Variants in ANKS1B observed in about 807,000 individuals in gnomAD.
ANKS1B encodes ankyrin repeat and sterile alpha motif domain containing 1B.
A neutral mutation model predicts 148.3 loss-of-function variants in ANKS1B; 36 were observed. The ratio of observed to expected loss-of-function variants is 0.24; its 90% CI spans 0.19 to 0.32. The LOEUF is 0.32. Ranked by LOEUF, ANKS1B falls within the 10% of genes least tolerant of loss-of-function variation. ANKS1B has a pLI of 1.00. For synonymous variants in ANKS1B, 542 were observed against 560.8 expected (o/e 0.97, Z 0.47); for missense variants, 1,157 against 1,542.6 (o/e 0.75, Z 4.19).
chr12:99,045,073 A>G (rs894764966), intron 17 of ANKS1B, among the ~76,000 whole-genome samples: 8 of 152,322 alleles, frequency 5.3e-5, no homozygotes, highest in Admixed American at 2.0e-4. Context: ...TAGTCTTTTA[A>G]GGGTCAAACG....
intron 17 of ANKS1B, among the ~76,000 whole-genome samples, chr12:98,917,558 C>T (rs17028891): frequency 0.081 from 12,282 of 152,242 alleles, 666 homozygotes; most frequent in Admixed American, 0.17. Context: ...CCAATTAATA[C>T]GAAGCGTAAG....
chr12:99,978,143 A>G (rs1270275259), intron 1 of ANKS1B, among the ~76,000 whole-genome samples: 1 of 152,216 alleles, frequency 6.6e-6, no homozygotes, highest in Non-Finnish European at 1.5e-5. Flanking sequence ...GTCACCTGAA[A>G]GGTTAAGTTG....
At position 99,059,788 on chromosome 12, in the gene ANKS1B, C is replaced by CATAT. The variant is rs759625732; in HGVS notation, c.2626-6483_2626-6480dup. On this transcript the variant is annotated intron_variant, in intron 16 of 26. Transcript: ENST00000683438. ...TAAGCCCAAAGACAAAACTAAAATT[C>CATAT]ATATATATATATATATATGATAGGA... 4.0e-4 allele frequency among the ~76,000 whole-genome samples: 36 copies of CATAT among 90,318 alleles called. 2 individuals are homozygous for CATAT. The highest frequency in any genetic ancestry group is 1.8e-3 in the South Asian group (5 of 2,812). 59.3% of individuals were successfully genotyped at this position (90,318 alleles called of 152,430 possible). A position where few individuals can be genotyped will look rare whatever the true frequency, so the allele number is the denominator to read the frequency against.
At chr12:98,834,440 A>G (rs1213584701) in intron 17 of ANKS1B, among the ~76,000 whole-genome samples, 2 of 152,246 alleles carry the variant, frequency 1.3e-5, no homozygotes, top group Non-Finnish European at 2.9e-5. Context: ...AGGAATAACC[A>G]GGGACAAAAG....
chr12:98,752,549 G>T (rs577291988), intron 25 of ANKS1B, among the ~76,000 whole-genome samples: 2 of 152,140 alleles, frequency 1.3e-5, no homozygotes, highest in African/African-American at 2.4e-5. Context: ...GAGCCACCAC[G>T]CCTGGTCCAC....
rs144600316 is a variant in ANKS1B at position 98,789,124 on chromosome 12, C to T, written c.3343-6987G>A. Among the ~76,000 whole-genome samples the T allele has an allele frequency of 3.3e-5, 5 of 152,314 alleles. No individual in the cohort carries two copies. In the East Asian group the frequency reaches 9.6e-4, roughly 29 times the overall value. ...CTGAGAGGCCGAGACGGGCAGATCACTGAAGATCAGGAGTTCAAGATTAGC... is the reference window on the plus strand; with the variant it reads ...CTGAGAGGCCGAGACGGGCAGATCATTGAAGATCAGGAGTTCAAGATTAGC... On this transcript the variant is annotated intron_variant, in intron 22 of 26. Coordinates refer to ENST00000683438, the MANE Select transcript of ANKS1B (RefSeq NM_001352186.2).
At chr12:99,887,059 T>C (rs903904313) in intron 1 of ANKS1B, among the ~76,000 whole-genome samples, 6 of 152,206 alleles carry the variant, frequency 3.9e-5, no homozygotes, top group Non-Finnish European at 8.8e-5. Flanking sequence ...AGAAATGATC[T>C]AATGTAGCAT....
intron 12 of ANKS1B, among the ~76,000 whole-genome samples, chr12:99,334,885 TCTTTC>T (rs2088457553): frequency 6.6e-6 from 1 of 152,072 alleles, no homozygotes; most frequent in African/African-American, 2.4e-5. Context: ...TTTATGACAG[TCTTTC>T]CTTCTCTTAC....
intron 8 of ANKS1B, among the ~76,000 whole-genome samples, chr12:99,739,517 A>G (rs2059906471): frequency 6.6e-6 from 1 of 152,126 alleles, no homozygotes. Flanking sequence ...TTTTATAATC[A>G]TATATGAATA....
chr12:99,805,635 AAAT>A (rs1263235171), intron 4 of ANKS1B, among the ~76,000 whole-genome samples: 1 of 152,150 alleles, frequency 6.6e-6, no homozygotes, highest in South Asian at 2.1e-4. Flanking sequence ...CTCTGTCTGA[AAAT>A]AATAATAATA....
At chr12:99,870,913 C>G (rs775562520) in intron 1 of ANKS1B, among the ~76,000 whole-genome samples, 6 of 152,002 alleles carry the variant, frequency 3.9e-5, no homozygotes, top group Non-Finnish European at 7.4e-5. Context: ...TGTGTAGAAG[C>G]TCTTTAGTTT....
chr12:99,677,665 T>A (rs1364176293), intron 8 of ANKS1B, among the ~76,000 whole-genome samples: 1 of 152,196 alleles, frequency 6.6e-6, no homozygotes, highest in African/African-American at 2.4e-5. Context: ...CTCCATTTTT[T>A]AAGAAGGATA....
chr12:99,255,578 G>A (rs150781527), intron 12 of ANKS1B, among the ~76,000 whole-genome samples: 65 of 151,804 alleles, frequency 4.3e-4, no homozygotes, highest in African/African-American at 1.3e-3. Flanking sequence ...AGTCTTCAGC[G>A]TTTCTTCTTT....
At chr12:99,573,847 G>A (rs921478898) in intron 9 of ANKS1B, among the ~76,000 whole-genome samples, 9 of 151,884 alleles carry the variant, frequency 5.9e-5, no homozygotes, top group South Asian at 2.1e-4. Context: ...AAGTCAATAC[G>A]TCCACCTATT....
rs1034152246 is a variant in ANKS1B at position 99,719,963 on chromosome 12, T to C, written c.1128+52959A>G. On this transcript the variant is annotated intron_variant, in intron 8 of 26. Transcript: ENST00000683438. Reference sequence around the variant, plus strand: ...ACTCCCCCGCTGAAACTTCCACTTATCAATCTCTTCCCACACAAGGCAAAT... The same window carrying C: ...ACTCCCCCGCTGAAACTTCCACTTACCAATCTCTTCCCACACAAGGCAAAT... Among the ~76,000 whole-genome samples, 8 of 152,178 alleles carry C rather than the reference T, an allele frequency of 5.3e-5. No individual in the cohort carries two copies. In the South Asian group the frequency reaches 1.0e-3, roughly 20 times the overall value.
intron 15 of ANKS1B, among the ~76,000 whole-genome samples, chr12:99,090,234 T>A (rs1001337608): frequency 6.6e-5 from 10 of 152,220 alleles, no homozygotes; most frequent in African/African-American, 2.4e-4. Context: ...CTGATGGCTC[T>A]GTCTCTCCAA....
intron 1 of ANKS1B, among the ~76,000 whole-genome samples, chr12:99,920,528 A>T (rs989882339): frequency 6.6e-6 from 1 of 152,070 alleles, no homozygotes; most frequent in Non-Finnish European, 1.5e-5. Context: ...GATTTATTGG[A>T]GAACTGACTC....
chr12:99,790,783 A>C (rs974700705), intron 4 of ANKS1B, among the ~76,000 whole-genome samples: 1 of 152,118 alleles, frequency 6.6e-6, no homozygotes. Context: ...AAAATTAAAA[A>C]GCATGAAATT....
intron 11 of ANKS1B, among the ~76,000 whole-genome samples, chr12:99,411,229 G>A (rs1037198185): frequency 6.9e-4 from 105 of 152,066 alleles, no homozygotes; most frequent in Admixed American, 6.9e-3. Context: ...AGAGTCCCCA[G>A]TGTCTACTGT....
Sources: gnomAD v4.1 joint callset for allele counts (sites outside exome capture counted in the v4.1 genomes callset) on GRCh38, gnomAD v4.1.1 for gene constraint, MANE v1.5 for transcripts, NCBI Gene and HGNC (gene_info 2026-07-23, HGNC 2026-07-21) for gene names.